KCNMA1: variants seen among roughly 807,000 people sequenced by gnomAD.
KCNMA1 encodes the protein Calcium-activated potassium channel subunit alpha-1.
Under a neutral mutation model 140.0 loss-of-function variants are expected in KCNMA1, and 29 were observed. The ratio of observed to expected loss-of-function variants is 0.21; its 90% CI spans 0.15 to 0.28. KCNMA1 has a LOEUF of 0.28. Ranked by LOEUF, KCNMA1 falls within the 10% of genes least tolerant of loss-of-function variation. The pLI is 1.00. For synonymous variants in KCNMA1, 612 were observed against 611.9 expected (o/e 1.00, Z 0.00); for missense variants, 880 against 1,602.2 (o/e 0.55, Z 7.70).
intron 25 of KCNMA1, among the ~76,000 whole-genome samples, chr10:76,906,497 C>A (rs1349824984): frequency 6.6e-6 from 1 of 152,130 alleles, no homozygotes; most frequent in Admixed American, 6.5e-5. Flanking sequence ...ATTCTTTTAA[C>A]AAATGAAGCA....
chr10:77,228,901 G>C (rs985621244), intron 3 of KCNMA1, among the ~76,000 whole-genome samples: 3 of 152,206 alleles, frequency 2.0e-5, no homozygotes, highest in Non-Finnish European at 4.4e-5. Flanking sequence ...AACCTACTTT[G>C]CTTGGGACCA....
intron 1 of KCNMA1, among the ~76,000 whole-genome samples, chr10:77,513,404 CCT>C (rs2049137865): frequency 6.6e-6 from 1 of 152,190 alleles, no homozygotes; most frequent in Non-Finnish European, 1.5e-5. Context: ...TCACTGTCTC[CCT>C]GAGAGCAGCC....
intron 2 of KCNMA1, among the ~76,000 whole-genome samples, chr10:77,336,936 C>A (rs1307428179): frequency 2.6e-5 from 4 of 152,208 alleles, no homozygotes; most frequent in African/African-American, 9.6e-5. Context: ...GCATTGTGCT[C>A]CCGCTGTGGG....
intron 22 of KCNMA1, 94 bp downstream of exon 22, chr10:76,949,048 G>C: frequency 9.7e-7 from 1 of 1,027,262 alleles, no homozygotes; most frequent in Non-Finnish European, 1.5e-6. Flanking sequence ...AAGAAGCACA[G>C]GCATGATCAA....
chr10:77,171,447 G>T (rs1412490967), intron 5 of KCNMA1, among the ~76,000 whole-genome samples: 1 of 148,880 alleles, frequency 6.7e-6, no homozygotes, highest in Non-Finnish European at 1.5e-5. Context: ...GTGTGTTGAA[G>T]TTTCTCAGGT....
intron 1 of KCNMA1, among the ~76,000 whole-genome samples, chr10:77,568,214 A>C (rs978255101): frequency 5.3e-5 from 8 of 152,312 alleles, no homozygotes; most frequent in Non-Finnish European, 1.2e-4. Context: ...AAAAGAGGGA[A>C]TCCTCCCTAA....
At chr10:77,266,771 C>T (rs1293423531) in intron 2 of KCNMA1, among the ~76,000 whole-genome samples, 1 of 152,192 alleles carries the variant, frequency 6.6e-6, no homozygotes, top group African/African-American at 2.4e-5. Flanking sequence ...TTCTGAGTCT[C>T]TTGTCTGTGA....
rs145508543 is a variant in KCNMA1, at chr10:77,203,823, G to A, written c.603-18907C>T. On this transcript the variant is annotated intron_variant, in intron 3 of 27. Transcript: ENST00000286628. ...ATTCAGAACTTAAATTAGGCTAGGC[G>A]TGATGGCTCACACCTGTAATCCCAG... 6.0e-4 allele frequency among the ~76,000 whole-genome samples: 91 copies of A among 152,272 alleles called. 1 individual carries two copies. Among genetic ancestry groups the A allele is most frequent in the African/African-American group, 1.9e-3 (80 of 41,558 alleles).
intron 1 of KCNMA1, among the ~76,000 whole-genome samples, chr10:77,444,966 A>G (rs566734706): frequency 1.7e-4 from 26 of 152,308 alleles, no homozygotes; most frequent in African/African-American, 6.0e-4. Flanking sequence ...ATAAAGAACT[A>G]AACAGGCCCC....
At chr10:77,478,804 T>C (rs2098329378) in intron 1 of KCNMA1, among the ~76,000 whole-genome samples, 1 of 152,128 alleles carries the variant, frequency 6.6e-6, no homozygotes, top group South Asian at 2.1e-4. Context: ...ACAATGCTAT[T>C]TATAATAGCA....
chr10:77,470,764 G>C (rs560821666), intron 1 of KCNMA1, among the ~76,000 whole-genome samples: 11 of 152,258 alleles, frequency 7.2e-5, no homozygotes, highest in African/African-American at 2.6e-4. Flanking sequence ...CAAGCAACCA[G>C]GGTTTCTCTA....
At chr10:77,354,592 G>A (rs1398140702) in intron 2 of KCNMA1, 1 of 152,190 alleles carries the variant, frequency 6.6e-6, no homozygotes, top group Non-Finnish European at 1.5e-5. Context: ...GACATTAGTT[G>A]CTACAAAGTT....
At chr10:76,993,629 C>T (rs1001582800) in intron 19 of KCNMA1, among the ~76,000 whole-genome samples, 1 of 152,186 alleles carries the variant, frequency 6.6e-6, no homozygotes, top group East Asian at 1.9e-4. Flanking sequence ...GTCTCCTCCC[C>T]GAGAGGGGGG....
intron 5 of KCNMA1, among the ~76,000 whole-genome samples, chr10:77,131,001 C>T (rs2097847820): frequency 6.6e-6 from 1 of 152,040 alleles, no homozygotes; most frequent in Non-Finnish European, 1.5e-5. Context: ...AAGAAGAAAA[C>T]AACCATCCAA....
chr10:77,547,037 T>C (rs2061596443), intron 1 of KCNMA1, among the ~76,000 whole-genome samples: 2 of 152,112 alleles, frequency 1.3e-5, no homozygotes, highest in Admixed American at 6.5e-5. Context: ...ACACCAAATG[T>C]TTCCCTAAAG....
intron 2 of KCNMA1, among the ~76,000 whole-genome samples, chr10:77,313,531 G>A (rs981926957): frequency 3.9e-5 from 6 of 152,110 alleles, no homozygotes; most frequent in African/African-American, 1.2e-4. Context: ...GGCTACATAC[G>A]TCACCCAAGA....
chr10:77,210,333 C>A (rs1449717476), intron 3 of KCNMA1, among the ~76,000 whole-genome samples: 1 of 152,038 alleles, frequency 6.6e-6, no homozygotes, highest in Admixed American at 6.6e-5. Flanking sequence ...ATCTCAATAG[C>A]CTCAGAAAAA....
chr10:77,451,019 C>T (rs1368462829), intron 1 of KCNMA1, among the ~76,000 whole-genome samples: 1 of 152,168 alleles, frequency 6.6e-6, no homozygotes, highest in African/African-American at 2.4e-5. Flanking sequence ...TCCTCATTTA[C>T]CTTCTGCCAT....
chr10:77,594,336 C>T (rs973320258), intron 1 of KCNMA1, among the ~76,000 whole-genome samples: 1 of 152,172 alleles, frequency 6.6e-6, no homozygotes, highest in African/African-American at 2.4e-5. Context: ...CAGCCAGCCA[C>T]CAATTTCCCC....
Sources: gnomAD v4.1 joint callset for allele counts (sites outside exome capture counted in the v4.1 genomes callset) on GRCh38, gnomAD v4.1.1 for gene constraint, MANE v1.5 for transcripts, NCBI Gene and HGNC (gene_info 2026-07-23, HGNC 2026-07-21) for gene names.